MYO9B: variants seen among roughly 807,000 people sequenced by gnomAD.
The protein encoded by MYO9B is myosin IXB.
Under a neutral mutation model 229.5 loss-of-function variants are expected in MYO9B, and 71 were observed. The observed-to-expected ratio is 0.31, with a 90% CI of 0.26 to 0.38. The LOEUF is 0.38. Ranked by LOEUF, MYO9B falls within the 10% of genes least tolerant of loss-of-function variation. The pLI is 1.00. For missense variants in MYO9B, 2,255 were observed against 2,920.5 expected, an observed-to-expected ratio of 0.77 and a Z score of 5.25; for synonymous variants, 1,185 against 1,235.8, an observed-to-expected ratio of 0.96 and a Z score of 0.86.
At chr19:17,198,655 A>G (rs1214609270) in intron 24 of MYO9B, among the ~76,000 whole-genome samples, 2 of 150,486 alleles carry the variant, frequency 1.3e-5, no homozygotes, top group Non-Finnish European at 3.0e-5. Flanking sequence ...GAATCGCTTG[A>G]ACTCGGGAGG....
At chr19:17,154,611 A>T (rs1212933044) in intron 6 of MYO9B, among the ~76,000 whole-genome samples, 196 bp downstream of exon 6, 2 of 152,188 alleles carry the variant, frequency 1.3e-5, no homozygotes, top group Admixed American at 6.6e-5. Flanking sequence ...TCATTAGGCG[A>T]TGCCAATTAA....
intron 1 of MYO9B, among the ~76,000 whole-genome samples, chr19:17,089,581 T>C (rs918687698): frequency 2.0e-5 from 3 of 152,130 alleles, no homozygotes; most frequent in Non-Finnish European, 4.4e-5. Context: ...CTAATTCACA[T>C]CCGGCCACTG....
intron 2 of MYO9B, among the ~76,000 whole-genome samples, chr19:17,110,458 C>A (rs2057837053): frequency 6.6e-6 from 1 of 152,168 alleles, no homozygotes; most frequent in South Asian, 2.1e-4. Flanking sequence ...AAAGCACACC[C>A]AGAACACGCT....
chr19:17,136,216 AAGG>A (rs553186316), intron 2 of MYO9B, among the ~76,000 whole-genome samples: 19 of 152,112 alleles, frequency 1.2e-4, no homozygotes, highest in Non-Finnish European at 2.2e-4. Context: ...GGCAGGGAGC[AAGG>A]AGGAGGGCCT....
chr19:17,182,772 T>C (rs563755771), intron 15 of MYO9B, among the ~76,000 whole-genome samples: 1 of 152,308 alleles, frequency 6.6e-6, no homozygotes, highest in African/African-American at 2.4e-5. Context: ...ACCATCTCCT[T>C]AGCCGGTCTT....
At chr19:17,139,263 G>A (rs1422484139) in intron 2 of MYO9B, among the ~76,000 whole-genome samples, 1 of 152,180 alleles carries the variant, frequency 6.6e-6, no homozygotes, top group African/African-American at 2.4e-5. Flanking sequence ...ACTGTGGGCA[G>A]TTGTAACACA....
At chr19:17,150,668 T>C (rs542664575) in intron 3 of MYO9B, among the ~76,000 whole-genome samples, 1 of 114,526 alleles carries the variant, frequency 8.7e-6, no homozygotes, top group South Asian at 2.7e-4. Flanking sequence ...GCCACCCTCT[T>C]CCCACAGGGG....
chr19:17,204,670 C>T (rs1304473345), intron 30 of MYO9B, among the ~76,000 whole-genome samples: 1 of 151,052 alleles, frequency 6.6e-6, no homozygotes, highest in African/African-American at 2.4e-5. Context: ...ATGGCAAGAC[C>T]CCATCTATAC....
chr19:17,200,544 G>C, intron 25 of MYO9B, 95 bp from the exon 26 acceptor site: 5 of 1,509,628 alleles, frequency 3.3e-6, no homozygotes, highest in Non-Finnish European at 4.4e-6. Flanking sequence ...CACAGAGCCA[G>C]GGGTTTCTGG....
chr19:17,184,907 ACT>A lies in MYO9B; in HGVS notation c.2419_2420del (p.Leu807AlafsTer29). The A allele has an allele frequency of 1.2e-6, 2 of 1,613,702 alleles. No individual in the cohort carries two copies. Among genetic ancestry groups the A allele is most frequent in the Non-Finnish European group, 8.5e-7 (1 of 1,179,800 alleles). ...SKSLKLIISM[T>X]LHDRTTKSLL... ...GTCCCTGAAACTCATCATCAGCATG[ACT>A]CTGCACGACCGCACCACCAAGTCCC... On this transcript the variant is annotated frameshift_variant, in exon 17 of 40. Transcript: ENST00000682292. LOFTEE classifies it high-confidence loss of function.
rs374423560 is a variant in MYO9B, at chr19:17,109,968, CAG to C, written c.840+7416_840+7417del. ...CAGGTAGATTCCCCAGGCCACACCG[CAG>C]AGAGCCAAAGCCTAACCCGGGGTTT... On this transcript the variant is annotated intron_variant, in intron 2 of 39. Coordinates refer to ENST00000682292, the MANE Select transcript of MYO9B (RefSeq NM_004145.4). Among the ~76,000 whole-genome samples the C allele has an allele frequency of 1.4e-4, 22 of 152,332 alleles. No individual in the cohort carries two copies. The East Asian group carries it at 4.2e-3, about 29-fold the overall frequency.
Position 17,198,300 on chromosome 19 carries a change from C to T in MYO9B, c.4230C>T (p.Val1410=), listed in dbSNP as rs1451427549. The change falls in exon 24 of 40, where the codon GTC becomes GTT. Residue 1410 remains valine (V), a synonymous_variant. Coordinates refer to ENST00000682292, the MANE Select transcript of MYO9B (RefSeq NM_004145.4). ...CAGGGCTGTCCCCGGGCTCTCAGGT[C>T]GACTCTAAGTAAGTATTGGGCTTGG... ...PDAGLSPGSQ[V]DSKSTFKRLF... The T allele has an allele frequency of 2.5e-6, 4 of 1,613,754 alleles. No homozygotes were observed. The highest frequency in any genetic ancestry group is 3.4e-6 in the Non-Finnish European group (4 of 1,179,862).
At chr19:17,125,979 G>T (rs1280835135) in intron 2 of MYO9B, among the ~76,000 whole-genome samples, 1 of 152,118 alleles carries the variant, frequency 6.6e-6, no homozygotes, top group Non-Finnish European at 1.5e-5. Context: ...TGGGCTTGGG[G>T]GTGTGGGGAG....
chr19:17,197,953 C>A, intron 23 of MYO9B, 95 bp downstream of exon 23: 1 of 1,501,124 alleles, frequency 6.7e-7, no homozygotes, highest in Non-Finnish European at 9.2e-7. Context: ...ACTCAGGAGG[C>A]TGAGGCGAGA....
rs564873817 is a variant in MYO9B at position 17,138,628 on chromosome 19, G to A, written c.841-6769G>A. 3.0e-3 allele frequency among the ~76,000 whole-genome samples: 464 copies of A among 152,190 alleles called. 1 individual carries two copies. Among genetic ancestry groups the A allele is most frequent in the African/African-American group, 0.01 (436 of 41,544 alleles). On this transcript the variant is annotated intron_variant, in intron 2 of 39. Transcript: ENST00000682292. Reference sequence around the variant, plus strand: ...TCCCCATTCAGGCTGCCCCACAAAAGCCTCCACTCAGTGGTCAGCCAGTGT... The same window carrying A: ...TCCCCATTCAGGCTGCCCCACAAAAACCTCCACTCAGTGGTCAGCCAGTGT...
chr19:17,148,207 T>C (rs2072437106), intron 3 of MYO9B, among the ~76,000 whole-genome samples: 1 of 152,166 alleles, frequency 6.6e-6, no homozygotes, highest in Admixed American at 6.6e-5. Flanking sequence ...GTTGCTACAG[T>C]TCCATGCCTC....
Position 17,102,308 on chromosome 19 carries a change from C to T in MYO9B, c.591C>T (p.Pro197=), listed in dbSNP as rs1205002115. Reference sequence around the variant, plus strand: ...TTAAGTTCCTGCCCATCTACAACCCCAAGTACGTGAAGATGTATGAGAACC... The same window carrying T: ...TTAAGTTCCTGCCCATCTACAACCCTAAGTACGTGAAGATGTATGAGAACC... ...NPFKFLPIYN[P]KYVKMYENQQ... Residue 197 remains proline (P), a synonymous_variant, in exon 2 of 40, where the codon CCC becomes CCT. Coordinates refer to ENST00000682292, the MANE Select transcript of MYO9B (RefSeq NM_004145.4). 1 of 1,613,942 alleles carries T rather than the reference C, an allele frequency of 6.2e-7. No homozygotes were observed. The highest frequency in any genetic ancestry group is 1.3e-5 in the African/African-American group (1 of 74,930).
chr19:17,085,193 C>G (rs1422987083), intron 1 of MYO9B, among the ~76,000 whole-genome samples: 1 of 152,062 alleles, frequency 6.6e-6, no homozygotes, highest in African/African-American at 2.4e-5. Context: ...GACCATTGTC[C>G]CCCACCATCC....
At position 17,153,048 on chromosome 19, in the gene MYO9B, G is replaced by A. The variant is rs549706107; in HGVS notation, c.998+342G>A. Among the ~76,000 whole-genome samples the A allele has an allele frequency of 1.5e-4, 23 of 152,282 alleles. 1 individual carries two copies. The highest frequency in any genetic ancestry group is 2.8e-4 in the Non-Finnish European group (19 of 68,018). Reference sequence around the variant, plus strand: ...TCCCAACTATTCAGGAGGCCTAGGCGGGAGGATCGCCTGAGCCCGGGAGGT... The same window carrying A: ...TCCCAACTATTCAGGAGGCCTAGGCAGGAGGATCGCCTGAGCCCGGGAGGT... On this transcript the variant is annotated intron_variant, in intron 4 of 39. Coordinates refer to ENST00000682292, the MANE Select transcript of MYO9B (RefSeq NM_004145.4).
Sources: gnomAD v4.1 joint callset for allele counts (sites outside exome capture counted in the v4.1 genomes callset) on GRCh38, gnomAD v4.1.1 for gene constraint, MANE v1.5 for transcripts, NCBI Gene and HGNC (gene_info 2026-07-23, HGNC 2026-07-21) for gene names.